PEX5L: variants seen among roughly 807,000 people sequenced by gnomAD.
PEX5L encodes PEX5-related protein.
A neutral mutation model predicts 84.0 loss-of-function variants in PEX5L; 30 were observed. The observed-to-expected ratio is 0.36, with a 90% CI of 0.27 to 0.48. The LOEUF (loss-of-function observed/expected upper bound fraction) is 0.48. Among genes scored for constraint, PEX5L ranks in the 20% least tolerant of loss-of-function variants. The probability of loss-of-function intolerance (pLI) is 0.99; values close to 1 mark genes in which losing one functional copy is unlikely to be tolerated. For missense variants in PEX5L, 533 were observed against 754.6 expected (o/e 0.71, Z 3.44); for synonymous variants, 270 against 283.1 (o/e 0.95, Z 0.46).
intron 8 of PEX5L, among the ~76,000 whole-genome samples, chr3:179,833,765 C>T (rs1733971403): frequency 6.6e-6 from 1 of 152,122 alleles, no homozygotes; most frequent in African/African-American, 2.4e-5. Flanking sequence ...ACCTAGTCTA[C>T]CTATGCTGGA....
intron 1 of PEX5L, among the ~76,000 whole-genome samples, chr3:180,004,818 C>T (rs1788730225): frequency 6.6e-6 from 1 of 151,472 alleles, no homozygotes; most frequent in Admixed American, 6.6e-5. Context: ...TATCTAGTTG[C>T]CTTCACCAAC....
At chr3:179,944,000 T>TCC (rs572399419) in intron 2 of PEX5L, among the ~76,000 whole-genome samples, 13 of 147,726 alleles carry the variant, frequency 8.8e-5, no homozygotes, top group African/African-American at 2.5e-4. Context: ...GAATATGCCC[T>TCC]CCCCCCCCCA....
At chr3:179,886,633 G>A (rs56036351) in intron 4 of PEX5L, among the ~76,000 whole-genome samples, 2,850 of 152,258 alleles carry the variant, frequency 0.019, 36 homozygotes, top group Non-Finnish European at 0.03. Context: ...CAGAGCTGGG[G>A]TTGGAATTCA....
chr3:179,922,458 T>C lies in PEX5L; in HGVS notation c.94-24212A>G, dbSNP rs148589373. Among the ~76,000 whole-genome samples, 1,384 of 150,924 alleles carry C rather than the reference T, an allele frequency of 9.2e-3. 24 individuals carry two copies. The highest frequency in any genetic ancestry group is 0.032 in the African/African-American group (1,301 of 41,204). Reference sequence around the variant, plus strand: ...ACTGCTTCCTTTTCTTTTCTTTTTTTTTTTTTTTTTGAAGGAGTCTTGCTC... The same window carrying C: ...ACTGCTTCCTTTTCTTTTCTTTTTTCTTTTTTTTTTGAAGGAGTCTTGCTC... On this transcript the variant is annotated intron_variant, in intron 2 of 14. Coordinates refer to ENST00000467460, the MANE Select transcript of PEX5L (RefSeq NM_016559.3).
intron 4 of PEX5L, chr3:179,880,788 T>C (rs1405283978): frequency 1.3e-5 from 2 of 152,244 alleles, no homozygotes; most frequent in East Asian, 3.8e-4. Context: ...CATTAAATAC[T>C]CTAATGAAAG....
intron 2 of PEX5L, among the ~76,000 whole-genome samples, chr3:179,920,393 T>A (rs772711805): frequency 6.6e-6 from 1 of 152,188 alleles, no homozygotes; most frequent in African/African-American, 2.4e-5. Flanking sequence ...TAAGCATCCA[T>A]CCCTCAGCTT....
chr3:179,820,756 G>A (rs1728205439), intron 8 of PEX5L, among the ~76,000 whole-genome samples: 1 of 152,226 alleles, frequency 6.6e-6, no homozygotes, highest in Non-Finnish European at 1.5e-5. Flanking sequence ...TTTGCTGCAA[G>A]AGCTGTCCCT....
intron 1 of PEX5L, among the ~76,000 whole-genome samples, chr3:179,985,259 A>G (rs958539618): frequency 6.6e-6 from 1 of 152,222 alleles, no homozygotes; most frequent in South Asian, 2.1e-4. Context: ...TAGCATAACA[A>G]CATAACTCTG....
Position 179,819,901 on chromosome 3 carries a change from G to C in PEX5L, c.898C>G (p.Gln300Glu), listed in dbSNP as rs1053276211. The C allele has an allele frequency of 5.6e-6, 9 of 1,613,994 alleles. No individual in the cohort carries two copies. The highest frequency in any genetic ancestry group is 6.8e-6 in the Non-Finnish European group (8 of 1,179,974). Reference sequence around the variant, plus strand: ...ATGGTTACTTGGTTCTGGGCTTCTTGGTTCTCAGATATCCAGTTCCTCCGA... The same window carrying C: ...ATGGTTACTTGGTTCTGGGCTTCTTCGTTCTCAGATATCCAGTTCCTCCGA... Reference protein sequence around the residue: ...MARRNWISENQEAQNQVTISA... With the variant: ...MARRNWISENEEAQNQVTISA... The change falls in exon 9 of 15, where the codon CAA (glutamine) becomes GAA (glutamate). Residue 300 changes from glutamine (Q) to glutamate (E), a missense_variant. By Grantham distance (29) the Gln-to-Glu change is conservative. This residue lies in a region of PEX5L where 58 missense variants were observed against 56.4 expected (regional missense o/e 1.03). Coordinates refer to ENST00000467460, the MANE Select transcript of PEX5L (RefSeq NM_016559.3).
chr3:179,899,076 T>C (rs1760347770), intron 2 of PEX5L, among the ~76,000 whole-genome samples: 1 of 152,048 alleles, frequency 6.6e-6, no homozygotes, highest in Non-Finnish European at 1.5e-5. Context: ...TACATATCCC[T>C]ATGTTATTTG....
chr3:180,024,671 A>C (rs888127066), intron 1 of PEX5L, among the ~76,000 whole-genome samples: 8 of 151,976 alleles, frequency 5.3e-5, no homozygotes, highest in Non-Finnish European at 1.2e-4. Context: ...CTGATGTGAA[A>C]AGCTGCATGT....
chr3:180,004,136 C>T (rs146977640), intron 1 of PEX5L, among the ~76,000 whole-genome samples: 2 of 152,126 alleles, frequency 1.3e-5, no homozygotes, highest in African/African-American at 4.8e-5. Context: ...TATTTTTTGC[C>T]GTTGAACTGA....
intron 2 of PEX5L, among the ~76,000 whole-genome samples, chr3:179,964,705 A>G (rs1782893155): frequency 6.6e-6 from 1 of 152,190 alleles, no homozygotes; most frequent in Non-Finnish European, 1.5e-5. Flanking sequence ...AAAATGCTCA[A>G]CATCACTAAT....
At chr3:180,036,158 A>G (rs1446538551) in intron 1 of PEX5L, among the ~76,000 whole-genome samples, 1 of 151,194 alleles carries the variant, frequency 6.6e-6, no homozygotes, top group Non-Finnish European at 1.5e-5. Flanking sequence ...AAAGTGACAG[A>G]GTGTTCTAAG....
intron 8 of PEX5L, among the ~76,000 whole-genome samples, chr3:179,853,956 T>G (rs1742932997): frequency 6.6e-6 from 1 of 150,500 alleles, no homozygotes; most frequent in African/African-American, 2.4e-5. Context: ...GGATGACAAG[T>G]ACGTGCCACC....
chr3:179,869,763 C>T (rs1433047287), intron 7 of PEX5L, among the ~76,000 whole-genome samples: 1 of 152,280 alleles, frequency 6.6e-6, no homozygotes, highest in East Asian at 1.9e-4. Context: ...GTTAAAGATC[C>T]TGAAACTTTT....
chr3:179,875,506 C>A, intron 5 of PEX5L, 29 bp from the exon 6 acceptor site: 1 of 1,593,570 alleles, frequency 6.3e-7, no homozygotes. Flanking sequence ...GCAGGTGAGG[C>A]AGGTGGCGGC....
chr3:179,811,489 T>G (rs1723841649), intron 11 of PEX5L, among the ~76,000 whole-genome samples: 1 of 152,208 alleles, frequency 6.6e-6, no homozygotes, highest in African/African-American at 2.4e-5. Context: ...TATTTTCAGA[T>G]GTTTCAGAAG....
At chr3:179,809,778 A>C in intron 11 of PEX5L, 110 bp from the exon 12 acceptor site, 1 of 725,820 alleles carries the variant, frequency 1.4e-6, no homozygotes, top group Non-Finnish European at 2.2e-6. Flanking sequence ...AAGCATTGGT[A>C]AGCTTGCTTA....
Sources: allele counts gnomAD v4.1 joint callset (sites outside exome capture counted in the v4.1 genomes callset), GRCh38; gene constraint gnomAD v4.1.1; regional missense constraint gnomAD v4.1.1; transcripts MANE v1.5; gene names NCBI Gene and HGNC (gene_info 2026-07-23, HGNC 2026-07-21).